The following AKAP19 variants were observed in gnomAD, a reference collection of about 807,000 sequenced individuals.
AKAP19 encodes the protein small A-kinase anchoring protein.
chr2:190,033,922 C>T, the AKAP19 span, among the ~76,000 whole-genome samples: 1 of 152,116 alleles, frequency 6.6e-6, no homozygotes, highest in African/African-American at 2.4e-5. Flanking sequence ...CCATTATAGA[C>T]AGTATTAACT....
At chr2:189,976,913 C>G in the AKAP19 span, among the ~76,000 whole-genome samples, 1 of 152,184 alleles carries the variant, frequency 6.6e-6, no homozygotes, top group Non-Finnish European at 1.5e-5. Context: ...TTCCCTGACC[C>G]TTTGTGCTTC....
the AKAP19 span, among the ~76,000 whole-genome samples, chr2:190,157,497 T>C: frequency 2.0e-5 from 3 of 152,246 alleles, no homozygotes; most frequent in Middle Eastern, 3.4e-3. Flanking sequence ...ACATTTACTA[T>C]TCATGGTAAA....
At chr2:190,184,342 G>A in the AKAP19 span, among the ~76,000 whole-genome samples, 1 of 152,182 alleles carries the variant, frequency 6.6e-6, no homozygotes, top group Admixed American at 6.5e-5. Context: ...ACTACTGCAA[G>A]TTTGTAGTCT....
the AKAP19 span, among the ~76,000 whole-genome samples, chr2:190,110,148 T>C: frequency 6.6e-6 from 1 of 152,178 alleles, no homozygotes; most frequent in African/African-American, 2.4e-5. Context: ...CAAAATGTAA[T>C]AGTTCAACAT....
chr2:190,027,163 T>C, the AKAP19 span, among the ~76,000 whole-genome samples: 1 of 152,124 alleles, frequency 6.6e-6, no homozygotes, highest in Admixed American at 6.6e-5. Context: ...CACCATTTGT[T>C]AAAAGAGTAA....
At chr2:190,044,939 A>G in the AKAP19 span, among the ~76,000 whole-genome samples, 1 of 151,890 alleles carries the variant, frequency 6.6e-6, no homozygotes, top group Non-Finnish European at 1.5e-5. Flanking sequence ...AATGGGATCC[A>G]GGACCCTCTT....
chr2:190,168,506 C>T, the AKAP19 span, among the ~76,000 whole-genome samples: 1 of 152,110 alleles, frequency 6.6e-6, no homozygotes, highest in Non-Finnish European at 1.5e-5. Flanking sequence ...TGAATTTCTC[C>T]TCAGAAAATG....
the AKAP19 span, among the ~76,000 whole-genome samples, chr2:190,053,784 G>A: frequency 6.6e-6 from 1 of 151,942 alleles, no homozygotes; most frequent in Non-Finnish European, 1.5e-5. Flanking sequence ...TTTGAATTTA[G>A]ATTTCTATTT....
chr2:190,065,553 A>G, the AKAP19 span, among the ~76,000 whole-genome samples: 1 of 152,298 alleles, frequency 6.6e-6, no homozygotes, highest in Admixed American at 6.5e-5. Flanking sequence ...GGCCTGAGTT[A>G]TAGTGCTGCT....
At chr2:189,989,612 TA>T in the AKAP19 span, among the ~76,000 whole-genome samples, 1 of 152,076 alleles carries the variant, frequency 6.6e-6, no homozygotes, top group African/African-American at 2.4e-5. Flanking sequence ...TGTTAAATTT[TA>T]AAGGAAGATA....
the AKAP19 span, chr2:189,917,244 T>C: frequency 8.2e-7 from 1 of 1,220,498 alleles, no homozygotes; most frequent in Non-Finnish European, 1.1e-6. Context: ...ATCAAGCTTT[T>C]ACAAACACTG....
chr2:189,885,194 T>C, the AKAP19 span, among the ~76,000 whole-genome samples: 1 of 152,180 alleles, frequency 6.6e-6, no homozygotes, highest in East Asian at 1.9e-4. Context: ...TTATGATTAC[T>C]TTGCCCATTA....
chr2:190,135,443 T>C, the AKAP19 span, among the ~76,000 whole-genome samples: 1 of 152,238 alleles, frequency 6.6e-6, no homozygotes, highest in Non-Finnish European at 1.5e-5. Context: ...TGAAAAACTC[T>C]GCTTTATGCA....
chr2:190,178,322 G>C, the AKAP19 span, among the ~76,000 whole-genome samples: 2 of 152,222 alleles, frequency 1.3e-5, no homozygotes, highest in Admixed American at 1.3e-4. This position sits in a 1 kb window ranked among gnomAD's most constrained non-coding sequence, Gnocchi z 6.3. Context: ...CTGCAGTCCT[G>C]AGGAGAGAAG....
chr2:189,880,242 C>G, the AKAP19 span, among the ~76,000 whole-genome samples: 2 of 152,090 alleles, frequency 1.3e-5, no homozygotes, highest in Admixed American at 1.3e-4. Flanking sequence ...AAGCTTCCTC[C>G]AGCATTTTTT....
chr2:190,081,203 C>T, the AKAP19 span, among the ~76,000 whole-genome samples: 1 of 151,766 alleles, frequency 6.6e-6, no homozygotes, highest in East Asian at 1.9e-4. Context: ...CCCCCATCCC[C>T]CCATCCTCCC....
the AKAP19 span, among the ~76,000 whole-genome samples, chr2:190,195,941 C>CTTTTTTTTTTTT: frequency 5.8e-5 from 5 of 86,192 alleles, no homozygotes; most frequent in Admixed American, 1.3e-4. Context: ...CTGTGTCCAG[C>CTTTTTTTTTTTT]TTTTTTTTTT....
chr2:190,064,821 T>C, the AKAP19 span, among the ~76,000 whole-genome samples: 1 of 152,164 alleles, frequency 6.6e-6, no homozygotes, highest in African/African-American at 2.4e-5. Flanking sequence ...TTACAAGACA[T>C]GTTCCAGCTC....
the AKAP19 span, chr2:189,923,774 C>T: frequency 6.2e-7 from 1 of 1,613,060 alleles, no homozygotes. Flanking sequence ...GAAACGTCAG[C>T]GTGTATCAGG....
Sources: gnomAD v4.1 joint callset for allele counts (sites outside exome capture counted in the v4.1 genomes callset) on GRCh38, gnomAD v4.1.1 for gene constraint, Gnocchi (gnomAD v3.1) non-coding constraint, MANE v1.5 for transcripts, NCBI Gene and HGNC (gene_info 2026-07-23, HGNC 2026-07-21) for gene names.